Variants in LRRTM4 observed in about 807,000 individuals in gnomAD.
LRRTM4 encodes leucine rich repeat transmembrane neuronal 4.
A neutral mutation model predicts 47.6 loss-of-function variants in LRRTM4; 25 were observed. The observed-to-expected ratio is 0.53, with a 90% confidence interval of 0.38 to 0.73. The LOEUF (loss-of-function observed/expected upper bound fraction) is 0.73, where lower values mean the gene tolerates loss of function less well. Ranked by LOEUF, LRRTM4 falls within the 30% of genes least tolerant of loss-of-function variation. LRRTM4 has a pLI of 0.00. For missense variants in LRRTM4, 638 were observed against 713.4 expected (o/e 0.89, Z 1.20); for synonymous variants, 311 against 269.5 (o/e 1.15, Z -1.51).
rs182793555 is a variant in LRRTM4 at position 76,795,802 on chromosome 2, G to T, written c.1552-46886C>A. On this transcript the variant is annotated intron_variant, in intron 3 of 3. Coordinates refer to ENST00000409884, the MANE Select transcript of LRRTM4 (RefSeq NM_001134745.3). ...CAGGGCACTATCAGAAAAGAAAAGT[G>T]AAGGGAGGAGCCAAGATGGCCAAAT... 3.4e-4 allele frequency among the ~76,000 whole-genome samples: 52 copies of T among 151,998 alleles called. No individual in the cohort carries two copies. The East Asian group carries it at 9.7e-3, about 28-fold the overall frequency.
chr2:77,485,637 T>C (rs761778325), intron 3 of LRRTM4, among the ~76,000 whole-genome samples: 17 of 152,214 alleles, frequency 1.1e-4, no homozygotes, highest in Non-Finnish European at 2.1e-4. Flanking sequence ...GGTTGTGATA[T>C]GGATTTGTTC....
At chr2:77,440,307 A>G (rs1318018714) in intron 3 of LRRTM4, among the ~76,000 whole-genome samples, 2 of 152,120 alleles carry the variant, frequency 1.3e-5, no homozygotes, top group South Asian at 2.1e-4. Flanking sequence ...CCAGCTACTC[A>G]GGAGGCTGAG....
At chr2:77,173,672 G>A (rs1216452344) in intron 3 of LRRTM4, among the ~76,000 whole-genome samples, 1 of 152,064 alleles carries the variant, frequency 6.6e-6, no homozygotes, top group African/African-American at 2.4e-5. Flanking sequence ...AGCAGTAATA[G>A]CTCACTGCAG....
chr2:77,094,423 A>C (rs1670750468), intron 3 of LRRTM4, among the ~76,000 whole-genome samples: 1 of 152,178 alleles, frequency 6.6e-6, no homozygotes, highest in Admixed American at 6.6e-5. Flanking sequence ...GAAATAGAAA[A>C]AAAATCCTGA....
intron 3 of LRRTM4, among the ~76,000 whole-genome samples, chr2:77,472,518 C>CT (rs553677902): frequency 0.046 from 6,692 of 146,860 alleles, 314 homozygotes; most frequent in Admixed American, 0.16. Context: ...TGTGTGTGTT[C>CT]TTTTTTTTTT....
chr2:77,256,828 GGGAA>G (rs58613945), intron 3 of LRRTM4, among the ~76,000 whole-genome samples: 18,439 of 151,584 alleles, frequency 0.12, 3,767 homozygotes, highest in African/African-American at 0.42. Context: ...AAAGTCCATA[GGGAA>G]GGAAGGAAGA....
chr2:76,901,522 G>A (rs114300275), intron 3 of LRRTM4, among the ~76,000 whole-genome samples: 1,587 of 151,952 alleles, frequency 0.01, 32 homozygotes, highest in African/African-American at 0.036. Context: ...CTTCATTCCC[G>A]CCCATTTTGC....
At chr2:77,436,018 A>G (rs1015779719) in intron 3 of LRRTM4, among the ~76,000 whole-genome samples, 1 of 152,312 alleles carries the variant, frequency 6.6e-6, no homozygotes, top group Non-Finnish European at 1.5e-5. Context: ...ATGAGCATCC[A>G]TTCTTAGATA....
chr2:76,982,676 C>T (rs1172216618), intron 3 of LRRTM4, among the ~76,000 whole-genome samples: 5 of 151,710 alleles, frequency 3.3e-5, no homozygotes, highest in South Asian at 2.1e-4. Flanking sequence ...GTATCCATTC[C>T]GGAGCTGTAC....
chr2:77,178,467 T>A (rs990923181), intron 3 of LRRTM4, among the ~76,000 whole-genome samples: 4 of 151,992 alleles, frequency 2.6e-5, no homozygotes, highest in African/African-American at 9.7e-5. Context: ...GTGCCTGTAT[T>A]CCTAGCTACT....
chr2:76,899,031 C>G (rs907266464), intron 3 of LRRTM4, among the ~76,000 whole-genome samples: 9 of 151,744 alleles, frequency 5.9e-5, no homozygotes, highest in Admixed American at 2.0e-4. Flanking sequence ...GGTTTATGAG[C>G]AAAGCGTGTT....
chr2:76,796,349 C>T (rs1675326013), intron 3 of LRRTM4, among the ~76,000 whole-genome samples: 1 of 126,288 alleles, frequency 7.9e-6, no homozygotes, highest in African/African-American at 3.2e-5. Context: ...TCTGTAGGCT[C>T]CACCTCTGGG....
At chr2:76,923,772 G>A (rs1280259429) in intron 3 of LRRTM4, among the ~76,000 whole-genome samples, 1 of 152,078 alleles carries the variant, frequency 6.6e-6, no homozygotes, top group Non-Finnish European at 1.5e-5. Context: ...TTTCACAAAG[G>A]CAAATAGGAA....
At chr2:76,885,831 C>T (rs1054796067) in intron 3 of LRRTM4, among the ~76,000 whole-genome samples, 1 of 152,014 alleles carries the variant, frequency 6.6e-6, no homozygotes, top group Non-Finnish European at 1.5e-5. Context: ...ATGAAAAATG[C>T]ATATAAGCTT....
At chr2:76,971,216 T>C (rs1252492244) in intron 3 of LRRTM4, among the ~76,000 whole-genome samples, 1 of 152,034 alleles carries the variant, frequency 6.6e-6, no homozygotes, top group Non-Finnish European at 1.5e-5. Flanking sequence ...ATCATCTGTA[T>C]CTGCATCAGC....
intron 3 of LRRTM4, among the ~76,000 whole-genome samples, chr2:77,337,646 TG>T (rs371880926): frequency 1.2e-4 from 18 of 152,096 alleles, no homozygotes; most frequent in African/African-American, 4.3e-4. Context: ...GCTTCTCCTT[TG>T]CCTTCCACCA....
intron 3 of LRRTM4, among the ~76,000 whole-genome samples, chr2:76,865,335 C>A (rs78705551): frequency 2.0e-5 from 3 of 152,134 alleles, no homozygotes; most frequent in Admixed American, 2.0e-4. Context: ...TTTGGATGCT[C>A]TCAGGTAGTG....
intron 3 of LRRTM4, among the ~76,000 whole-genome samples, chr2:77,369,476 T>C (rs1167823816): frequency 6.6e-6 from 1 of 151,698 alleles, no homozygotes; most frequent in Admixed American, 6.6e-5. Flanking sequence ...ATCTACAACA[T>C]GAAGACGAAA....
intron 3 of LRRTM4, among the ~76,000 whole-genome samples, chr2:77,497,988 TAC>T (rs1443045328): frequency 4.6e-5 from 7 of 151,848 alleles, no homozygotes; most frequent in African/African-American, 1.7e-4. Context: ...TACATATAAA[TAC>T]AGATTGACAT....
Sources: gnomAD v4.1 joint callset for allele counts (sites outside exome capture counted in the v4.1 genomes callset) on GRCh38, gnomAD v4.1.1 for gene constraint, MANE v1.5 for transcripts, NCBI Gene and HGNC (gene_info 2026-07-23, HGNC 2026-07-21) for gene names.